Variants in RBFOX1 observed in about 807,000 individuals in gnomAD.
RBFOX1 encodes RNA binding fox-1 homolog 1.
RBFOX1 carries 8 observed loss-of-function variants against 57.7 expected under a neutral mutation model. The ratio of observed to expected loss-of-function variants is 0.14; its 90% confidence interval spans 0.08 to 0.25. The LOEUF is 0.25. Among genes scored for constraint, RBFOX1 ranks in the 10% least tolerant of loss-of-function variants. The pLI, the probability that RBFOX1 is intolerant of heterozygous loss-of-function variation, is 1.00. For synonymous variants in RBFOX1, 326 were observed against 222.4 expected, an observed-to-expected ratio of 1.47 and a Z score of -4.15; for missense variants, 611 against 548.5, an observed-to-expected ratio of 1.11 and a Z score of -1.14.
At chr16:6,523,592 G>A (rs940350413) in intron 2 of RBFOX1, among the ~76,000 whole-genome samples, 8 of 152,094 alleles carry the variant, frequency 5.3e-5, no homozygotes, top group African/African-American at 1.7e-4. Context: ...TATTATGAGT[G>A]CATCTGTCAA....
intron 3 of RBFOX1, among the ~76,000 whole-genome samples, chr16:5,782,269 G>A (rs754840590): frequency 1.4e-4 from 22 of 152,210 alleles, no homozygotes; most frequent in East Asian, 3.9e-4. Context: ...GTGTCAGCAC[G>A]TTTGGTATCT....
At chr16:7,215,364 CA>C (rs2091864363) in intron 4 of RBFOX1, among the ~76,000 whole-genome samples, 1 of 152,170 alleles carries the variant, frequency 6.6e-6, no homozygotes, top group Non-Finnish European at 1.5e-5. Context: ...AAGACACCTG[CA>C]CATGTATGTT....
chr16:6,887,052 G>C (rs181813095), intron 3 of RBFOX1, among the ~76,000 whole-genome samples: 53 of 152,206 alleles, frequency 3.5e-4, no homozygotes, highest in African/African-American at 1.2e-3. Context: ...CTCCATACTT[G>C]GTTGTATTGT....
At chr16:6,710,190 A>C (rs1272917377) in intron 3 of RBFOX1, among the ~76,000 whole-genome samples, 5 of 152,092 alleles carry the variant, frequency 3.3e-5, no homozygotes, top group Non-Finnish European at 5.9e-5. Context: ...ATTTGGTTTA[A>C]CTTCTCAAAA....
At chr16:7,688,282 A>ATT (rs2076556251) in intron 14 of RBFOX1, among the ~76,000 whole-genome samples, 1 of 150,264 alleles carries the variant, frequency 6.7e-6, no homozygotes, top group Non-Finnish European at 1.5e-5. Context: ...AGAGAGAGAG[A>ATT]GATTCAATAT....
At chr16:7,227,072 A>G (rs1428819674) in intron 4 of RBFOX1, among the ~76,000 whole-genome samples, 1 of 152,048 alleles carries the variant, frequency 6.6e-6, no homozygotes, top group African/African-American at 2.4e-5. Context: ...CAGCATTCTT[A>G]CCTGGCCAGT....
intron 4 of RBFOX1, among the ~76,000 whole-genome samples, chr16:7,097,414 C>T (rs1481011951): frequency 2.0e-5 from 3 of 152,092 alleles, no homozygotes; most frequent in Non-Finnish European, 4.4e-5. Context: ...ATCCCCATCT[C>T]CCATGCAACA....
At chr16:5,908,253 C>T (rs1407872784) in intron 4 of RBFOX1, among the ~76,000 whole-genome samples, 2 of 147,902 alleles carry the variant, frequency 1.4e-5, no homozygotes, top group African/African-American at 2.5e-5. Context: ...TACATACACA[C>T]ACATATATAC....
At chr16:5,685,227 C>T (rs1161728947) in intron 3 of RBFOX1, among the ~76,000 whole-genome samples, 1 of 152,148 alleles carries the variant, frequency 6.6e-6, no homozygotes, top group Non-Finnish European at 1.5e-5. Flanking sequence ...ATATTATTGG[C>T]TTTTTTGATA....
At chr16:6,831,740 G>C (rs563210182) in intron 3 of RBFOX1, among the ~76,000 whole-genome samples, 6 of 152,222 alleles carry the variant, frequency 3.9e-5, no homozygotes, top group East Asian at 3.9e-4. Flanking sequence ...AGAAGAGCTG[G>C]ATCTTTGGGC....
intron 2 of RBFOX1, among the ~76,000 whole-genome samples, chr16:6,650,097 G>A (rs1189882501): frequency 6.6e-6 from 1 of 152,112 alleles, no homozygotes; most frequent in Non-Finnish European, 1.5e-5. Flanking sequence ...TAGTCGGATT[G>A]CTGGATCATA....
chr16:5,664,131 T>C (rs1213896613), intron 3 of RBFOX1, among the ~76,000 whole-genome samples: 1 of 152,236 alleles, frequency 6.6e-6, no homozygotes, highest in African/African-American at 2.4e-5. Context: ...CTGTGTCTGC[T>C]TCATCCATGT....
At chr16:7,393,922 G>A (rs914809414) in intron 4 of RBFOX1, among the ~76,000 whole-genome samples, 2 of 151,982 alleles carry the variant, frequency 1.3e-5, no homozygotes, top group Admixed American at 6.6e-5. Flanking sequence ...AGGGAGGATG[G>A]CTGAGGCACC....
intron 1 of RBFOX1, among the ~76,000 whole-genome samples, chr16:6,203,482 A>G (rs1323812664): frequency 6.6e-6 from 1 of 152,116 alleles, no homozygotes; most frequent in Non-Finnish European, 1.5e-5. Context: ...TTATCCATTC[A>G]TTGTTGATGG....
chr16:7,661,646 G>C (rs557882120), intron 12 of RBFOX1, among the ~76,000 whole-genome samples: 4 of 152,312 alleles, frequency 2.6e-5, no homozygotes, highest in Admixed American at 6.5e-5. Context: ...CCCACTTCCT[G>C]TACACTCTGG....
chr16:7,031,201 G>C (rs11645536), intron 3 of RBFOX1, among the ~76,000 whole-genome samples: 22,894 of 152,068 alleles, frequency 0.15, 3,251 homozygotes, highest in African/African-American at 0.36. Context: ...AGAAAATAAA[G>C]CTAAGCTTGG....
At chr16:6,986,332 G>A (rs2090272897) in intron 3 of RBFOX1, among the ~76,000 whole-genome samples, 1 of 152,214 alleles carries the variant, frequency 6.6e-6, no homozygotes, top group Admixed American at 6.5e-5. Context: ...CCGAGTAGCT[G>A]GGATTGCAGG....
intron 1 of RBFOX1, among the ~76,000 whole-genome samples, chr16:5,243,393 C>A (rs1048347750): frequency 1.3e-5 from 2 of 152,204 alleles, no homozygotes; most frequent in African/African-American, 4.8e-5. Flanking sequence ...CCTGGGGCTC[C>A]TGTAGAGGAG....
chr16:6,346,939 G>A (rs573903202), intron 2 of RBFOX1, among the ~76,000 whole-genome samples: 57 of 152,158 alleles, frequency 3.7e-4, no homozygotes, highest in African/African-American at 1.2e-3. Flanking sequence ...GCAAATTCAG[G>A]ATATTTATTG....
Sources: gnomAD v4.1 joint callset for allele counts (sites outside exome capture counted in the v4.1 genomes callset) on GRCh38, gnomAD v4.1.1 for gene constraint, MANE v1.5 for transcripts, NCBI Gene and HGNC (gene_info 2026-07-23, HGNC 2026-07-21) for gene names.